The following ICA1 variants were observed in gnomAD, a reference collection of about 807,000 sequenced individuals.
ICA1 encodes 69 kDa islet cell autoantigen.
In ICA1, 40 loss-of-function variants were observed where a neutral mutation model predicts 71.0. The ratio of observed to expected loss-of-function variants is 0.56; its 90% CI spans 0.44 to 0.73. The LOEUF (loss-of-function observed/expected upper bound fraction) is 0.73. Ranked by LOEUF, ICA1 falls within the 30% of genes least tolerant of loss-of-function variation. ICA1 has a pLI of 0.00. For missense variants in ICA1, 578 were observed against 576.5 expected, an observed-to-expected ratio of 1.00 and a Z score of -0.03; for synonymous variants, 207 against 209.5, an observed-to-expected ratio of 0.99 and a Z score of 0.10.
chr7:8,259,961 T>C lies in ICA1; in HGVS notation c.-80+2133A>G, dbSNP rs531080230. On this transcript the variant is annotated intron_variant, in intron 1 of 13. Transcript: ENST00000402384. Reference sequence around the variant, plus strand: ...GGACAAAACATGCAGATAGCATCCTTATTAATGGTTCCCATAAATCTAGTA... The same window carrying C: ...GGACAAAACATGCAGATAGCATCCTCATTAATGGTTCCCATAAATCTAGTA... Among the ~76,000 whole-genome samples the C allele has an allele frequency of 2.0e-5, 3 of 152,308 alleles. No homozygotes were observed. In the South Asian group the frequency reaches 6.2e-4, roughly 32 times the overall value.
At chr7:8,201,582 T>C (rs1789701817) in intron 6 of ICA1, among the ~76,000 whole-genome samples, 1 of 152,190 alleles carries the variant, frequency 6.6e-6, no homozygotes, top group Admixed American at 6.5e-5. Flanking sequence ...CAGGCCTGAC[T>C]TGGCTCCAAG....
chr7:8,249,263 G>C (rs1807271763), intron 1 of ICA1, among the ~76,000 whole-genome samples: 1 of 152,258 alleles, frequency 6.6e-6, no homozygotes, highest in Admixed American at 6.5e-5. Flanking sequence ...CATTGCTGGA[G>C]AGGCAAAGGC....
At chr7:8,154,174 A>G (rs1257830504) in intron 8 of ICA1, among the ~76,000 whole-genome samples, 1 of 152,204 alleles carries the variant, frequency 6.6e-6, no homozygotes. Flanking sequence ...ACAACAAAAT[A>G]TCACAACAGT....
At chr7:8,262,209 ACCGGC>A (rs1267068308), upstream of ICA1, 2 of 151,692 alleles carry the variant, frequency 1.3e-5, no homozygotes, top group Non-Finnish European at 1.5e-5. Flanking sequence ...GAGCGCAGGA[ACCGGC>A]CCTTCCTGCG....
intron 6 of ICA1, among the ~76,000 whole-genome samples, chr7:8,168,030 G>GA (rs59089838): frequency 0.014 from 1,581 of 115,608 alleles, 33 homozygotes; most frequent in African/African-American, 0.038. Flanking sequence ...GAGAAAAAGA[G>GA]GGAGAGAGAG....
chr7:8,154,914 A>C (rs1303925023), intron 8 of ICA1, among the ~76,000 whole-genome samples: 1 of 152,186 alleles, frequency 6.6e-6, no homozygotes, highest in East Asian at 1.9e-4. Context: ...CCATTATATC[A>C]TATTTGAGTC....
At position 8,137,051 on chromosome 7, in the gene ICA1, CT is replaced by C. The variant is rs79248652; in HGVS notation, c.1060+1788del. 9.6e-3 allele frequency among the ~76,000 whole-genome samples: 1,346 copies of C among 139,874 alleles called. 34 individuals are homozygous for C. The highest frequency in any genetic ancestry group is 0.092 in the South Asian group (407 of 4,416). The allele number at this position is 139,874 out of a possible 152,430, so 91.8% of individuals were successfully genotyped here. ...AAAATTAAATTCTAAAGCCAAGAAC[CT>C]TTTTTTTTTTTTTAGAAAGAGGGAA... On this transcript the variant is annotated intron_variant, in intron 12 of 13. Transcript: ENST00000402384.
intron 13 of ICA1, among the ~76,000 whole-genome samples, chr7:8,117,126 T>C (rs1175250326): frequency 6.6e-6 from 1 of 152,210 alleles, no homozygotes; most frequent in Non-Finnish European, 1.5e-5. Context: ...TCCTGGCTCC[T>C]TGTGAAGAAC....
chr7:8,203,794 A>G (rs10486213), intron 6 of ICA1, among the ~76,000 whole-genome samples: 144,018 of 152,262 alleles, frequency 0.95, 68,171 homozygotes, highest in Middle Eastern at 0.99. Flanking sequence ...CAACAGTGAC[A>G]GGCTTTAAAC....
chr7:8,156,855 G>A, intron 8 of ICA1: 7 of 1,502,948 alleles, frequency 4.7e-6, no homozygotes, highest in Non-Finnish European at 6.2e-6. Flanking sequence ...CCAGGAACAT[G>A]TATCTCAAGG....
At position 8,224,288 on chromosome 7, in the gene ICA1, G is replaced by A. The variant is rs543395854; in HGVS notation, c.257-2890C>T. Reference sequence around the variant, plus strand: ...GAGAGCAGGGACCTTCCAGGCAGCAGGAACACCCAGTGCAAAAGGCCTTGG... The same window carrying A: ...GAGAGCAGGGACCTTCCAGGCAGCAAGAACACCCAGTGCAAAAGGCCTTGG... On this transcript the variant is annotated intron_variant, in intron 4 of 13. Transcript: ENST00000402384. Among the ~76,000 whole-genome samples, 23 of 152,252 alleles carry A rather than the reference G, an allele frequency of 1.5e-4. No individual in the cohort carries two copies. In the South Asian group the frequency reaches 4.8e-3, roughly 32 times the overall value.
intron 13 of ICA1, among the ~76,000 whole-genome samples, chr7:8,118,774 C>T (rs1369973080): frequency 1.3e-5 from 2 of 152,134 alleles, no homozygotes; most frequent in Admixed American, 6.5e-5. Context: ...CCCACCTGTC[C>T]CCAGAGCCCA....
At chr7:8,163,086 C>T (rs1804525441) in intron 6 of ICA1, among the ~76,000 whole-genome samples, 1 of 152,188 alleles carries the variant, frequency 6.6e-6, no homozygotes, top group South Asian at 2.1e-4. Context: ...ATTTTAGAGC[C>T]TCCTTAGTCT....
At chr7:8,218,737 G>A (rs530997437) in intron 5 of ICA1, 1 of 549,120 alleles carries the variant, frequency 1.8e-6, no homozygotes, top group South Asian at 2.0e-5. Flanking sequence ...CTGGACCACT[G>A]GCAAGCACCT....
Position 8,239,200 on chromosome 7 carries a change from C to T in ICA1, c.-79-3195G>A, listed in dbSNP as rs192130978. 9.6e-4 allele frequency among the ~76,000 whole-genome samples: 147 copies of T among 152,342 alleles called. 1 individual carries two copies. The highest frequency in any genetic ancestry group is 3.4e-3 in the Middle Eastern group (1 of 294). ...CTACATACCAGAGACAATTAATAAA[C>T]ATCTTAAGATTTCCTGACATAATCT... On this transcript the variant is annotated intron_variant, in intron 1 of 13. Coordinates refer to ENST00000402384, the MANE Select transcript of ICA1 (RefSeq NM_001136020.3).
intron 8 of ICA1, among the ~76,000 whole-genome samples, chr7:8,153,467 C>A (rs779971094): frequency 6.6e-6 from 1 of 152,096 alleles, no homozygotes; most frequent in African/African-American, 2.4e-5. Flanking sequence ...GTGAGATTTT[C>A]CAGGGAAAAG....
intron 13 of ICA1, among the ~76,000 whole-genome samples, chr7:8,119,897 CAT>C (rs752199757): frequency 6.6e-6 from 1 of 152,156 alleles, no homozygotes; most frequent in Non-Finnish European, 1.5e-5. Flanking sequence ...TATTTTCAAA[CAT>C]GTGATTTAAA....
intron 6 of ICA1, among the ~76,000 whole-genome samples, chr7:8,215,588 T>A (rs1216913001): frequency 6.6e-6 from 1 of 152,212 alleles, no homozygotes; most frequent in Non-Finnish European, 1.5e-5. Flanking sequence ...TTCCCCTGGA[T>A]GCTGCCTGAA....
At chr7:8,208,671 T>C (rs187467813) in intron 6 of ICA1, among the ~76,000 whole-genome samples, 1 of 152,308 alleles carries the variant, frequency 6.6e-6, no homozygotes, top group African/African-American at 2.4e-5. Context: ...AGGCGAGAGA[T>C]AGTAACCAGT....
Sources: gnomAD v4.1 joint callset for allele counts (sites outside exome capture counted in the v4.1 genomes callset) on GRCh38, gnomAD v4.1.1 for gene constraint, MANE v1.5 for transcripts, NCBI Gene and HGNC (gene_info 2026-07-23, HGNC 2026-07-21) for gene names.